The following MAN2A1 variants were observed in gnomAD, a reference collection of about 807,000 sequenced individuals.
The protein encoded by MAN2A1 is alpha-mannosidase 2.
A neutral mutation model predicts 142.6 loss-of-function variants in MAN2A1; 76 were observed. That is an observed-to-expected ratio of 0.53 (90% CI 0.44 to 0.65). The LOEUF (loss-of-function observed/expected upper bound fraction) is 0.65, where lower values mean the gene tolerates loss of function less well. MAN2A1 is among the 30% of genes least tolerant of loss of function. The pLI, the probability that MAN2A1 is intolerant of heterozygous loss-of-function variation, is 0.00. For synonymous variants in MAN2A1, 559 were observed against 473.2 expected, an observed-to-expected ratio of 1.18 and a Z score of -2.35; for missense variants, 1,311 against 1,365.1, an observed-to-expected ratio of 0.96 and a Z score of 0.62.
chr5:109,822,986 T>TA (rs1268868966), intron 15 of MAN2A1, among the ~76,000 whole-genome samples: 3 of 152,190 alleles, frequency 2.0e-5, no homozygotes, highest in Non-Finnish European at 4.4e-5. Flanking sequence ...CCGAAAATCT[T>TA]ACACTGTTTA....
chr5:109,698,997 T>C (rs953666851), intron 1 of MAN2A1, among the ~76,000 whole-genome samples: 6 of 152,192 alleles, frequency 3.9e-5, no homozygotes, highest in African/African-American at 1.4e-4. Flanking sequence ...AGCTATTGTT[T>C]CCCTTTATAA....
chr5:109,799,090 A>G (rs1016291297), intron 12 of MAN2A1, among the ~76,000 whole-genome samples: 1 of 152,158 alleles, frequency 6.6e-6, no homozygotes, highest in African/African-American at 2.4e-5. Flanking sequence ...GGTGATGGTA[A>G]TAACCCTGTG....
At chr5:109,761,409 A>G (rs1752840576) in intron 5 of MAN2A1, among the ~76,000 whole-genome samples, 1 of 151,732 alleles carries the variant, frequency 6.6e-6, no homozygotes, top group African/African-American at 2.4e-5. Flanking sequence ...TCTTCTTAGT[A>G]TTTTTCACTT....
At chr5:109,712,704 C>T (rs1439606358) in intron 1 of MAN2A1, among the ~76,000 whole-genome samples, 2 of 152,196 alleles carry the variant, frequency 1.3e-5, no homozygotes, top group Middle Eastern at 3.4e-3. Context: ...TGCATGTCTT[C>T]CTAGCATACA....
intron 20 of MAN2A1, among the ~76,000 whole-genome samples, chr5:109,859,994 G>A (rs569926484): frequency 1.4e-5 from 2 of 142,398 alleles, no homozygotes; most frequent in South Asian, 2.3e-4. Flanking sequence ...TTTGATTTGT[G>A]TTTAACTGTT....
chr5:109,836,909 A>G (rs1456268208), intron 16 of MAN2A1, among the ~76,000 whole-genome samples: 2 of 151,748 alleles, frequency 1.3e-5, no homozygotes, highest in African/African-American at 4.8e-5. Context: ...GTTTGTGTCG[A>G]TTTTCAGCAT....
Position 109,737,287 on chromosome 5 carries a change from T to C in MAN2A1, c.707+7774T>C, listed in dbSNP as rs1265436146. 2.6e-5 allele frequency among the ~76,000 whole-genome samples: 4 copies of C among 152,042 alleles called. No individual in the cohort carries two copies. In the East Asian group the frequency reaches 7.7e-4, roughly 29 times the overall value. ...TTGTATTTTTAGTAGAGACAGGGTTTCACCATGTTGGCCAGGCTGGTCTTG... is the reference window on the plus strand; with the variant it reads ...TTGTATTTTTAGTAGAGACAGGGTTCCACCATGTTGGCCAGGCTGGTCTTG... On this transcript the variant is annotated intron_variant, in intron 4 of 21. Transcript: ENST00000261483.
intron 3 of MAN2A1, among the ~76,000 whole-genome samples, chr5:109,726,583 T>G (rs1751751133): frequency 6.6e-6 from 1 of 152,170 alleles, no homozygotes; most frequent in African/African-American, 2.4e-5. Context: ...GTGAATGAAG[T>G]GTTGAAGGCA....
intron 12 of MAN2A1, among the ~76,000 whole-genome samples, chr5:109,814,628 C>T (rs1754403952): frequency 6.6e-6 from 1 of 152,138 alleles, no homozygotes; most frequent in Admixed American, 6.6e-5. Context: ...ATTACATAAT[C>T]ATTCAGTACA....
intron 12 of MAN2A1, 81 bp from the exon 13 acceptor site, chr5:109,817,184 GTATATGTA>G (rs1754485350): frequency 8.1e-6 from 2 of 248,194 alleles, no homozygotes; most frequent in African/African-American, 1.1e-4. Context: ...ATATGTATAT[GTATATGTA>G]TATGTATATC....
intron 4 of MAN2A1, among the ~76,000 whole-genome samples, chr5:109,730,783 A>G (rs867616166): frequency 3.3e-5 from 5 of 152,202 alleles, no homozygotes; most frequent in Non-Finnish European, 5.9e-5. Flanking sequence ...ACATAAGGAC[A>G]CTGAGTCGTC....
rs2112762274 is a variant in MAN2A1 at position 109,845,848 on chromosome 5, A to G, written c.2701-17A>G. ...GTAAATATCACTTTTTGTAGATGGAATTGTTGTGTTTTATAGATTCAACCT... is the reference window on the plus strand; with the variant it reads ...GTAAATATCACTTTTTGTAGATGGAGTTGTTGTGTTTTATAGATTCAACCT... On this transcript the variant is annotated splice_polypyrimidine_tract_variant and intron_variant, in intron 17 of 21. Coordinates refer to ENST00000261483, the MANE Select transcript of MAN2A1 (RefSeq NM_002372.4). 6.3e-7 allele frequency: 1 copy of G among 1,599,930 alleles called. No homozygotes were observed. Among genetic ancestry groups the G allele is most frequent in the Non-Finnish European group, 8.5e-7 (1 of 1,173,720 alleles).
chr5:109,787,902 A>G (rs756578372), intron 10 of MAN2A1, among the ~76,000 whole-genome samples: 4 of 151,940 alleles, frequency 2.6e-5, no homozygotes, highest in Non-Finnish European at 1.5e-5. Context: ...ACTCAAATCC[A>G]TAAGATTTTA....
chr5:109,718,846 G>C lies in MAN2A1; in HGVS notation c.535+2582G>C, dbSNP rs550641021. ...ACTGGCACATGGTACTGAGTCATTA[G>C]AGTTTGGTTAAATAAGTTAATGAGC... is the stretch of plus-strand genomic sequence containing the variant. On this transcript the variant is annotated intron_variant, in intron 3 of 21. Coordinates refer to ENST00000261483, the MANE Select transcript of MAN2A1 (RefSeq NM_002372.4). Among the ~76,000 whole-genome samples, 3 of 152,110 alleles carry C rather than the reference G, an allele frequency of 2.0e-5. No individual in the cohort carries two copies. The East Asian group carries it at 5.8e-4, about 29-fold the overall frequency.
intron 19 of MAN2A1, among the ~76,000 whole-genome samples, chr5:109,852,601 G>T (rs181587588): frequency 6.6e-6 from 1 of 152,260 alleles, no homozygotes; most frequent in Admixed American, 6.5e-5. Flanking sequence ...GGATCAGAAG[G>T]TGCTAGAAAC....
intron 20 of MAN2A1, among the ~76,000 whole-genome samples, chr5:109,856,767 C>T (rs1410699885): frequency 6.6e-6 from 1 of 151,932 alleles, no homozygotes; most frequent in Non-Finnish European, 1.5e-5. Context: ...CAAGCAAATG[C>T]TCGAGGCGTG....
At chr5:109,856,123 T>C (rs1190879032) in intron 20 of MAN2A1, among the ~76,000 whole-genome samples, 1 of 152,132 alleles carries the variant, frequency 6.6e-6, no homozygotes, top group Non-Finnish European at 1.5e-5. Context: ...ATGCCTATAA[T>C]TTGGATATTA....
chr5:109,813,763 T>C (rs1471494098), intron 12 of MAN2A1, among the ~76,000 whole-genome samples: 1 of 152,224 alleles, frequency 6.6e-6, no homozygotes, highest in East Asian at 1.9e-4. Context: ...ATTACTTCTA[T>C]GAAAGGTGAA....
At chr5:109,767,358 A>G (rs1419795255) in intron 5 of MAN2A1, among the ~76,000 whole-genome samples, 177 bp from the exon 6 acceptor site, 1 of 152,166 alleles carries the variant, frequency 6.6e-6, no homozygotes, top group Admixed American at 6.5e-5. Flanking sequence ...AGGCAGTGGC[A>G]CAATCCTCCC....
Sources: gnomAD v4.1 joint callset for allele counts (sites outside exome capture counted in the v4.1 genomes callset) on GRCh38, gnomAD v4.1.1 for gene constraint, MANE v1.5 for transcripts, NCBI Gene and HGNC (gene_info 2026-07-23, HGNC 2026-07-21) for gene names.